Variants in PEPD observed in about 807,000 individuals in gnomAD.
PEPD encodes xaa-Pro dipeptidase.
In PEPD, 53 loss-of-function variants were observed where a neutral mutation model predicts 60.7. The observed-to-expected ratio is 0.87, with a 90% CI of 0.70 to 1.10. The LOEUF is 1.10. PEPD is among the 50% of genes least tolerant of loss of function. The pLI, the probability that PEPD is intolerant of heterozygous loss-of-function variation, is 0.00. For missense variants in PEPD, 711 were observed against 711.9 expected (o/e 1.00, Z 0.01); for synonymous variants, 267 against 284.1 (o/e 0.94, Z 0.60).
At chr19:33,489,704 G>C (rs1471573018) in intron 6 of PEPD, among the ~76,000 whole-genome samples, 1 of 152,110 alleles carries the variant, frequency 6.6e-6, no homozygotes, top group Non-Finnish European at 1.5e-5. Flanking sequence ...CAGATGTTTA[G>C]AGGGAAAACA....
chr19:33,467,852 G>A (rs1257452140), intron 7 of PEPD, among the ~76,000 whole-genome samples: 1 of 152,162 alleles, frequency 6.6e-6, no homozygotes. Context: ...TGTCCATAAT[G>A]GTAAATGTCC....
chr19:33,484,170 G>GA (rs1970357234), intron 6 of PEPD, among the ~76,000 whole-genome samples: 1 of 152,196 alleles, frequency 6.6e-6, no homozygotes. Context: ...CCTTACTTAT[G>GA]AAATATCAAA....
intron 9 of PEPD, among the ~76,000 whole-genome samples, chr19:33,454,756 G>A (rs1014084497): frequency 3.3e-5 from 5 of 152,220 alleles, no homozygotes; most frequent in African/African-American, 9.6e-5. Flanking sequence ...CACAGTGACT[G>A]CTTTCCAAGA....
chr19:33,387,263 G>C lies in PEPD; in HGVS notation c.*81C>G. The C allele has an allele frequency of 1.3e-6, 2 of 1,534,948 alleles. No homozygotes were observed. Among genetic ancestry groups the C allele is most frequent in the Non-Finnish European group, 1.8e-6 (2 of 1,115,416 alleles). On this transcript the variant is annotated 3_prime_UTR_variant, in exon 15 of 15. Transcript: ENST00000244137. The stretch of plus-strand genomic sequence containing the variant: ...TTCTGGGTGCCGTCTCTCGCTACTG[G>C]AGTGCTGACCAGCAGGCTGCCCATC...
chr19:33,451,774 C>A (rs1370978414), intron 9 of PEPD, among the ~76,000 whole-genome samples: 1 of 152,136 alleles, frequency 6.6e-6, no homozygotes, highest in Admixed American at 6.5e-5. Context: ...AAGTCAGATT[C>A]AAGACATAGA....
chr19:33,440,282 C>A (rs543091126), intron 9 of PEPD, among the ~76,000 whole-genome samples: 1 of 152,162 alleles, frequency 6.6e-6, no homozygotes, highest in Non-Finnish European at 1.5e-5. Context: ...TGGAGTCATC[C>A]TGGACTCTTC....
intron 11 of PEPD, among the ~76,000 whole-genome samples, chr19:33,403,261 G>A (rs1255542408): frequency 6.6e-6 from 1 of 152,212 alleles, no homozygotes; most frequent in Non-Finnish European, 1.5e-5. Context: ...GCCAAGTCAC[G>A]ACACTGATGG....
intron 12 of PEPD, among the ~76,000 whole-genome samples, chr19:33,394,091 C>G (rs1411864018): frequency 1.3e-5 from 2 of 152,238 alleles, no homozygotes; most frequent in Admixed American, 6.5e-5. Context: ...GAGGGCACCG[C>G]TGGGCCTGGC....
At chr19:33,391,798 A>T (rs1243097072) in intron 12 of PEPD, among the ~76,000 whole-genome samples, 1 of 152,194 alleles carries the variant, frequency 6.6e-6, no homozygotes, top group East Asian at 1.9e-4. Context: ...GTCCACCCTG[A>T]ACAGCCTATG....
At chr19:33,434,594 C>T (rs1000734251) in intron 9 of PEPD, among the ~76,000 whole-genome samples, 6 of 151,296 alleles carry the variant, frequency 4.0e-5, no homozygotes, top group African/African-American at 1.2e-4. Flanking sequence ...CCCCGCAGGA[C>T]GAGGGCGCAT....
At chr19:33,485,962 T>G (rs1970390686) in intron 6 of PEPD, among the ~76,000 whole-genome samples, 1 of 152,038 alleles carries the variant, frequency 6.6e-6, no homozygotes, top group African/African-American at 2.4e-5. Context: ...GAAGGCACCC[T>G]CGTTAAGGCA....
chr19:33,461,849 G>A (rs1008240622), intron 9 of PEPD, among the ~76,000 whole-genome samples: 8 of 152,208 alleles, frequency 5.3e-5, no homozygotes, highest in African/African-American at 1.4e-4. Flanking sequence ...GGCTGACGGA[G>A]CTGGGCTTCT....
chr19:33,504,862 T>G (rs1970770552), intron 3 of PEPD, among the ~76,000 whole-genome samples: 1 of 152,094 alleles, frequency 6.6e-6, no homozygotes, highest in Admixed American at 6.5e-5. Flanking sequence ...AGGATAGCTT[T>G]GGGAGGAGAG....
At chr19:33,457,626 T>C (rs1469776555) in intron 9 of PEPD, among the ~76,000 whole-genome samples, 1 of 152,220 alleles carries the variant, frequency 6.6e-6, no homozygotes, top group East Asian at 1.9e-4. Context: ...TTCTCCTGCC[T>C]CAGCCTCCCA....
chr19:33,443,112 C>G (rs1969515865), intron 9 of PEPD, among the ~76,000 whole-genome samples: 1 of 152,270 alleles, frequency 6.6e-6, no homozygotes, highest in South Asian at 2.1e-4. Context: ...GTCCTGGAAG[C>G]TCATTGCCCC....
chr19:33,517,202 A>G (rs1393349506), intron 1 of PEPD, among the ~76,000 whole-genome samples: 1 of 151,916 alleles, frequency 6.6e-6, no homozygotes, highest in Non-Finnish European at 1.5e-5. Flanking sequence ...ACATTTTGAT[A>G]CCTGTATTTC....
At chr19:33,407,919 G>A (rs1968671624) in intron 11 of PEPD, among the ~76,000 whole-genome samples, 1 of 152,352 alleles carries the variant, frequency 6.6e-6, no homozygotes, top group Admixed American at 6.5e-5. Flanking sequence ...ACCCAGAGAA[G>A]CGGGAAGGGG....
chr19:33,395,685 C>T (rs1968343671), intron 12 of PEPD, among the ~76,000 whole-genome samples: 2 of 152,212 alleles, frequency 1.3e-5, no homozygotes, highest in Non-Finnish European at 2.9e-5. Context: ...GCCTCCTACC[C>T]GGAGTGTGAC....
chr19:33,484,617 A>C (rs1460227049), intron 6 of PEPD, among the ~76,000 whole-genome samples: 2 of 152,210 alleles, frequency 1.3e-5, no homozygotes, highest in African/African-American at 2.4e-5. Context: ...ACACACACTA[A>C]GGCACAAGCT....
Sources: allele counts gnomAD v4.1 joint callset (sites outside exome capture counted in the v4.1 genomes callset), GRCh38; gene constraint gnomAD v4.1.1; transcripts MANE v1.5; gene names NCBI Gene and HGNC (gene_info 2026-07-23, HGNC 2026-07-21).